The following ARL4A variants were observed in gnomAD, a reference collection of about 807,000 sequenced individuals.
ARL4A encodes ADP-ribosylation factor-like protein 4A.
Under a neutral mutation model 13.9 loss-of-function variants are expected in ARL4A, and 5 were observed. That is an observed-to-expected ratio of 0.36 (90% CI 0.19 to 0.75). The LOEUF (loss-of-function observed/expected upper bound fraction) is 0.75. Among genes scored for constraint, ARL4A ranks in the 30% least tolerant of loss-of-function variants. ARL4A has a pLI of 0.53. For synonymous variants in ARL4A, 77 were observed against 84.4 expected (o/e 0.91, Z 0.48); for missense variants, 147 against 225.8 (o/e 0.65, Z 2.24).
chr7:12,688,720 C>A lies in ARL4A; in HGVS notation c.466C>A (p.Leu156Met), dbSNP rs751412353. ...TGAGAAATTGTTAGCAATGGGTGAA[C>A]TGAGCTCATCAACTCCTTGGCATTT... ...EIEKLLAMGE[L>M]SSSTPWHLQP... The change falls in exon 2 of 2, where the codon CTG (leucine) becomes ATG (methionine). Residue 156 changes from leucine to methionine, a missense_variant. By Grantham distance (15) the Leu-to-Met change is conservative. Coordinates refer to ENST00000651779, the MANE Select transcript of ARL4A (RefSeq NM_005738.5). The surrounding 1 kb of genome is among the most constrained non-coding windows in gnomAD (Gnocchi z 5.2). The A allele has an allele frequency of 1.4e-5, 23 of 1,613,978 alleles. No individual in the cohort carries two copies. The highest frequency in any genetic ancestry group is 1.9e-5 in the Non-Finnish European group (23 of 1,179,872).
upstream of ARL4A, chr7:12,687,393 G>C (rs1474356538): frequency 1.3e-5 from 2 of 152,260 alleles, no homozygotes; most frequent in Non-Finnish European, 2.9e-5. The surrounding 1 kb of genome is among the most constrained non-coding windows in gnomAD (Gnocchi z 5.6). Flanking sequence ...CGGCTGCTCG[G>C]CTCCCTCTGG....
chr7:12,688,662 A>G lies in ARL4A; in HGVS notation c.408A>G (p.Gln136=), dbSNP rs758974626. The G allele has an allele frequency of 6.2e-7, 1 of 1,614,014 alleles. No homozygotes were observed. The highest frequency in any genetic ancestry group is 8.5e-7 in the Non-Finnish European group (1 of 1,179,878). The change falls in exon 2 of 2, where the codon CAA becomes CAG. Residue 136 remains glutamine, a synonymous_variant. Coordinates refer to ENST00000651779, the MANE Select transcript of ARL4A (RefSeq NM_005738.5). The surrounding 1 kb of genome is among the most constrained non-coding windows in gnomAD (Gnocchi z 5.2). ...CTGTACTTATAGTTGCTAACAAACA[A>G]GATTTGAGGAACTCATTGTCACTTT... The part of the protein sequence containing the change: ...GVPVLIVANK[Q]DLRNSLSLSE...
upstream of ARL4A, chr7:12,687,026 G>A (rs1784530080): frequency 6.6e-6 from 1 of 152,458 alleles, no homozygotes; most frequent in Admixed American, 6.5e-5. This position sits in a 1 kb window ranked among gnomAD's most constrained non-coding sequence, Gnocchi z 5.6. Context: ...TGAAGAAGAG[G>A]GAAGGACGGT....
At position 12,688,931 on chromosome 7, in the gene ARL4A, A is replaced by C; in HGVS notation, c.*74A>C. 6.9e-7 allele frequency: 1 copy of C among 1,454,972 alleles called. No individual in the cohort carries two copies. Among genetic ancestry groups the C allele is most frequent in the Non-Finnish European group, 9.3e-7 (1 of 1,078,298 alleles). The allele number at this position is 1,454,972 out of a possible 1,614,324, so 90.1% of individuals were successfully genotyped here. A position where few individuals can be genotyped will look rare whatever the true frequency, so the allele number is the denominator to read the frequency against. ...TTTTGACAAATAGAAGAGTGTCTACAGCGTGGTTTGCCTGTCTGCCCTCCT... is the reference window on the plus strand; with the variant it reads ...TTTTGACAAATAGAAGAGTGTCTACCGCGTGGTTTGCCTGTCTGCCCTCCT... On this transcript the variant is annotated 3_prime_UTR_variant, in exon 2 of 2. Coordinates refer to ENST00000651779, the MANE Select transcript of ARL4A (RefSeq NM_005738.5). The surrounding 1 kb of genome is among the most constrained non-coding windows in gnomAD (Gnocchi z 5.2).
upstream of ARL4A, chr7:12,687,623 G>C (rs1025045282): frequency 1.3e-5 from 2 of 152,862 alleles, no homozygotes; most frequent in Non-Finnish European, 2.9e-5. This position sits in a 1 kb window ranked among gnomAD's most constrained non-coding sequence, Gnocchi z 5.6. Flanking sequence ...TTTCTCGTGC[G>C]GCAACTGCCA....
rs1269346538 is a variant in ARL4A at position 12,690,423 on chromosome 7, A to C, written c.*1566A>C. ...AAATATTCCTGCACTAGTGATGGTCACTTAGAATGTTTATAGAAATGTGGA... is the reference window on the plus strand; with the variant it reads ...AAATATTCCTGCACTAGTGATGGTCCCTTAGAATGTTTATAGAAATGTGGA... On this transcript the variant is annotated 3_prime_UTR_variant, in exon 2 of 2. Transcript: ENST00000651779. 1 of 166,560 alleles carries C rather than the reference A, an allele frequency of 6.0e-6. No homozygotes were observed. The highest frequency in any genetic ancestry group is 1.5e-5 in the Non-Finnish European group (1 of 68,012). The allele number at this position is 166,560 out of a possible 1,614,324, so 10.3% of individuals were successfully genotyped here. A position where few individuals can be genotyped will look rare whatever the true frequency, so the allele number is the denominator to read the frequency against.
upstream of ARL4A, chr7:12,687,371 C>G (rs1262813984): frequency 1.3e-5 from 2 of 152,272 alleles, no homozygotes; most frequent in Non-Finnish European, 2.9e-5. This position sits in a 1 kb window ranked among gnomAD's most constrained non-coding sequence, Gnocchi z 5.6. Context: ...CGAGGCTCCC[C>G]TTCACCTGCA....
In ARL4A at chr7:12,689,568, G is replaced by A. The variant is rs1442321470; in HGVS notation, c.*711G>A. 6.0e-6 allele frequency: 1 copy of A among 166,110 alleles called. No individual in the cohort carries two copies. The highest frequency in any genetic ancestry group is 1.5e-5 in the Non-Finnish European group (1 of 68,100). 10.3% of individuals were successfully genotyped at this position (166,110 alleles called of 1,614,324 possible). ...TACTTTTTAGAAATAGCTATGCATC[G>A]TTCTACACAGGTTTAAAACAACTTT... On this transcript the variant is annotated 3_prime_UTR_variant, in exon 2 of 2. Coordinates refer to ENST00000651779, the MANE Select transcript of ARL4A (RefSeq NM_005738.5).
chr7:12,688,069 A>C lies in ARL4A; in HGVS notation c.-89-97A>C. ...TGGTTTGTTTAGCGCAGCAAGTTAT[A>C]GTAAGTTCTTCGTGTTGTTTATTTT... On this transcript the variant is annotated intron_variant, in intron 1 of 1. Coordinates refer to ENST00000651779, the MANE Select transcript of ARL4A (RefSeq NM_005738.5). The surrounding 1 kb of genome is among the most constrained non-coding windows in gnomAD (Gnocchi z 5.2). 1 of 778,696 alleles carries C rather than the reference A, an allele frequency of 1.3e-6. No homozygotes were observed. Among genetic ancestry groups the C allele is most frequent in the Admixed American group, 3.2e-5 (1 of 31,124 alleles). 48.2% of individuals were successfully genotyped at this position (778,696 alleles called of 1,614,324 possible).
rs547742844 is a variant in ARL4A at position 12,690,338 on chromosome 7, C to G, written c.*1481C>G. Reference sequence around the variant, plus strand: ...TTCAGTGGCATAACAGTTTTTGGAACCTTGATTCTTGTGTCACACAAAATG... The same window carrying G: ...TTCAGTGGCATAACAGTTTTTGGAAGCTTGATTCTTGTGTCACACAAAATG... On this transcript the variant is annotated 3_prime_UTR_variant, in exon 2 of 2. Coordinates refer to ENST00000651779, the MANE Select transcript of ARL4A (RefSeq NM_005738.5). 6.1e-6 allele frequency: 1 copy of G among 163,248 alleles called. No individual in the cohort carries two copies. Among genetic ancestry groups the G allele is most frequent in the South Asian group, 2.1e-4 (1 of 4,742 alleles). The allele number at this position is 163,248 out of a possible 1,614,324, so 10.1% of individuals were successfully genotyped here. A position where few individuals can be genotyped will look rare whatever the true frequency, so the allele number is the denominator to read the frequency against.
At position 12,688,950 on chromosome 7, in the gene ARL4A, C is replaced by T; in HGVS notation, c.*93C>T. 7.7e-7 allele frequency: 1 copy of T among 1,293,062 alleles called. No individual in the cohort carries two copies. The highest frequency in any genetic ancestry group is 1.1e-6 in the Non-Finnish European group (1 of 933,018). 80.1% of individuals were successfully genotyped at this position (1,293,062 alleles called of 1,614,324 possible). A position where few individuals can be genotyped will look rare whatever the true frequency, so the allele number is the denominator to read the frequency against. On this transcript the variant is annotated 3_prime_UTR_variant, in exon 2 of 2. Transcript: ENST00000651779. The surrounding 1 kb of genome is among the most constrained non-coding windows in gnomAD (Gnocchi z 5.2). ...GTCTACAGCGTGGTTTGCCTGTCTG[C>T]CCTCCTGGATGCTATTAAAGCTTTG...
Position 12,688,160 on chromosome 7 carries a change from T to C in ARL4A, c.-89-6T>C. ...AGAATAACTTATTCCTTCTTCCGTC[T>C]CCCAGCAGTCTTATAGCTGGATCAG... On this transcript the variant is annotated splice_region_variant and splice_polypyrimidine_tract_variant and intron_variant, in intron 1 of 1. Coordinates refer to ENST00000651779, the MANE Select transcript of ARL4A (RefSeq NM_005738.5). The surrounding 1 kb of genome is among the most constrained non-coding windows in gnomAD (Gnocchi z 5.2). 6.8e-7 allele frequency: 1 copy of C among 1,473,984 alleles called. No individual in the cohort carries two copies. The highest frequency in any genetic ancestry group is 1.4e-5 in the South Asian group (1 of 69,208). The allele number at this position is 1,473,984 out of a possible 1,614,324, so 91.3% of individuals were successfully genotyped here. A position where few individuals can be genotyped will look rare whatever the true frequency, so the allele number is the denominator to read the frequency against.
At position 12,688,131 on chromosome 7, in the gene ARL4A, CG is replaced by C. The variant is rs939578665; in HGVS notation, c.-89-32del. On this transcript the variant is annotated intron_variant, in intron 1 of 1. Coordinates refer to ENST00000651779, the MANE Select transcript of ARL4A (RefSeq NM_005738.5). This position sits in a 1 kb window ranked among gnomAD's most constrained non-coding sequence, Gnocchi z 5.2. ...GCAAACCTGTTTTAATGTATTATTT[CG>C]GGAGAATAACTTATTCCTTCTTCCG... 9.2e-5 allele frequency: 126 copies of C among 1,373,478 alleles called. No homozygotes were observed. The highest frequency in any genetic ancestry group is 4.4e-5 in the Non-Finnish European group (45 of 1,013,308). The allele number at this position is 1,373,478 out of a possible 1,614,324, so 85.1% of individuals were successfully genotyped here.
At chr7:12,687,359 C>T (rs1391150413), upstream of ARL4A, 1 of 152,254 alleles carries the variant, frequency 6.6e-6, no homozygotes, top group Non-Finnish European at 1.5e-5. The surrounding 1 kb of genome is among the most constrained non-coding windows in gnomAD (Gnocchi z 5.6). Flanking sequence ...GACCTGACCG[C>T]CCGAGGCTCC....
chr7:12,688,410 A>G lies in ARL4A; in HGVS notation c.156A>G (p.Lys52=). Residue 52 remains lysine, a synonymous_variant, in exon 2 of 2, where the codon AAA becomes AAG. Transcript: ENST00000651779. The surrounding 1 kb of genome is among the most constrained non-coding windows in gnomAD (Gnocchi z 5.2). The part of the protein sequence containing the change: ...FNEFVNTVPT[K]GFNTEKIKVT... ...AATTTGTAAATACCGTACCTACCAA[A>G]GGATTTAACACTGAGAAAATTAAGG... The G allele has an allele frequency of 6.2e-7, 1 of 1,613,922 alleles. No individual in the cohort carries two copies. Among genetic ancestry groups the G allele is most frequent in the Admixed American group, 1.7e-5 (1 of 60,016 alleles).
Position 12,690,307 on chromosome 7 carries a change from T to G in ARL4A, c.*1450T>G, listed in dbSNP as rs973088513. The G allele has an allele frequency of 3.0e-5, 5 of 166,464 alleles. No homozygotes were observed. Among genetic ancestry groups the G allele is most frequent in the Middle Eastern group, 3.1e-3 (1 of 320 alleles). 10.3% of individuals were successfully genotyped at this position (166,464 alleles called of 1,614,324 possible). ...TTTGGGTTTTGTTTTTTTGTTTTTTTTTTTTTTCAGTGGCATAACAGTTTT... is the reference window on the plus strand; with the variant it reads ...TTTGGGTTTTGTTTTTTTGTTTTTTGTTTTTTTCAGTGGCATAACAGTTTT... On this transcript the variant is annotated 3_prime_UTR_variant, in exon 2 of 2. Coordinates refer to ENST00000651779, the MANE Select transcript of ARL4A (RefSeq NM_005738.5).
At position 12,687,659 on chromosome 7, in the gene ARL4A, A is replaced by G. The variant is rs1056520751; in HGVS notation, c.-159A>G. On this transcript the variant is annotated 5_prime_UTR_variant, in exon 1 of 2. Transcript: ENST00000651779. The surrounding 1 kb of genome is among the most constrained non-coding windows in gnomAD (Gnocchi z 5.6). ...GAGCTGCTTGGAGAGCTAAGCTGGA[A>G]GGGTGCTTATCCCTGCGTAGAAACG... The G allele has an allele frequency of 1.3e-5, 2 of 152,858 alleles. No homozygotes were observed. Among genetic ancestry groups the G allele is most frequent in the Admixed American group, 6.5e-5 (1 of 15,294 alleles). The allele number at this position is 152,858 out of a possible 1,614,324, so 9.5% of individuals were successfully genotyped here. A position where few individuals can be genotyped will look rare whatever the true frequency, so the allele number is the denominator to read the frequency against.
chr7:12,689,699 TAATAAA>T lies in ARL4A; in HGVS notation c.*843_*848del, dbSNP rs1237626711. Reference sequence around the variant, plus strand: ...TCATAGTAAATATGGGCATGTAAACTAATAAATATGCACTGGATACATATATGGATT... The same window carrying T: ...TCATAGTAAATATGGGCATGTAAACTTATGCACTGGATACATATATGGATT... On this transcript the variant is annotated 3_prime_UTR_variant, in exon 2 of 2. Transcript: ENST00000651779. 6.0e-6 allele frequency: 1 copy of T among 166,908 alleles called. No individual in the cohort carries two copies. Among genetic ancestry groups the T allele is most frequent in the Non-Finnish European group, 1.5e-5 (1 of 68,102 alleles). 10.3% of individuals were successfully genotyped at this position (166,908 alleles called of 1,614,324 possible).
At position 12,689,648 on chromosome 7, in the gene ARL4A, TGAA is replaced by T. The variant is rs2065342177; in HGVS notation, c.*795_*797del. On this transcript the variant is annotated 3_prime_UTR_variant, in exon 2 of 2. Coordinates refer to ENST00000651779, the MANE Select transcript of ARL4A (RefSeq NM_005738.5). ...GTTTGTTGTCAGAAGCACTTTCACT[TGAA>T]GAACCTAAAATGATTGACTCATTCA... 1 of 166,588 alleles carries T rather than the reference TGAA, an allele frequency of 6.0e-6. No homozygotes were observed. Among genetic ancestry groups the T allele is most frequent in the African/African-American group, 2.4e-5 (1 of 41,446 alleles). 10.3% of individuals were successfully genotyped at this position (166,588 alleles called of 1,614,324 possible).
Sources: allele counts gnomAD v4.1 joint callset, GRCh38; gene constraint gnomAD v4.1.1; non-coding constraint Gnocchi (gnomAD v3.1); transcripts MANE v1.5; gene names NCBI Gene and HGNC (gene_info 2026-07-23, HGNC 2026-07-21).